The following SLC24A2 variants were observed in gnomAD, a reference collection of about 807,000 sequenced individuals.
SLC24A2 encodes the protein sodium/potassium/calcium exchanger 2.
SLC24A2 carries 36 observed loss-of-function variants against 62.0 expected under a neutral mutation model. The observed-to-expected ratio is 0.58, with a 90% CI of 0.44 to 0.77. The LOEUF (loss-of-function observed/expected upper bound fraction) is 0.77, where lower values mean the gene tolerates loss of function less well. SLC24A2 is among the 30% of genes least tolerant of loss of function. SLC24A2 has a pLI of 0.00. For missense variants in SLC24A2, 846 were observed against 817.9 expected, an observed-to-expected ratio of 1.03 and a Z score of -0.42; for synonymous variants, 358 against 294.0, an observed-to-expected ratio of 1.22 and a Z score of -2.23.
At chr9:19,649,232 C>T (rs1818731483) in intron 2 of SLC24A2, among the ~76,000 whole-genome samples, 1 of 151,858 alleles carries the variant, frequency 6.6e-6, no homozygotes. Context: ...AACTTTGTAC[C>T]CTTGAGATGA....
the SLC24A2 span, among the ~76,000 whole-genome samples, chr9:19,851,092 C>T: frequency 0.058 from 7,972 of 137,138 alleles, 381 homozygotes; most frequent in East Asian, 0.2. Context: ...GGCGTGATCT[C>T]GGCTCACCAC....
At position 19,623,544 on chromosome 9, in the gene SLC24A2, T is replaced by G. The variant is rs550750003; in HGVS notation, c.931-1245A>C. On this transcript the variant is annotated intron_variant, in intron 2 of 10. Coordinates refer to ENST00000341998, the MANE Select transcript of SLC24A2 (RefSeq NM_020344.4). ...AAAAATAGAAGGGATTCTTATAATT[T>G]TGAATTTCAAATTATTTGCTATGTG... Among the ~76,000 whole-genome samples the G allele has an allele frequency of 8.3e-4, 127 of 152,376 alleles. 5 individuals are homozygous for G. In the South Asian group the frequency reaches 0.026, roughly 31 times the overall value.
chr9:19,930,843 G>T, the SLC24A2 span, among the ~76,000 whole-genome samples: 2 of 151,976 alleles, frequency 1.3e-5, no homozygotes, highest in African/African-American at 4.8e-5. Context: ...GATCAAGCTG[G>T]GATTTATATC....
At chr9:20,012,011 A>G in the SLC24A2 span, among the ~76,000 whole-genome samples, 1 of 152,218 alleles carries the variant, frequency 6.6e-6, no homozygotes, top group Non-Finnish European at 1.5e-5. Context: ...AACTTTTAAC[A>G]GATTAGGTAT....
the SLC24A2 span, among the ~76,000 whole-genome samples, chr9:19,988,600 G>T: frequency 6.6e-6 from 1 of 152,172 alleles, no homozygotes. Flanking sequence ...AGGGAGGGAG[G>T]ATCTGGCTTG....
intron 2 of SLC24A2, among the ~76,000 whole-genome samples, chr9:19,730,518 T>G (rs1821304580): frequency 6.6e-6 from 1 of 152,150 alleles, no homozygotes; most frequent in African/African-American, 2.4e-5. Context: ...TTCACAACCT[T>G]AAGAATGCTA....
chr9:20,196,229 CA>C, the SLC24A2 span, among the ~76,000 whole-genome samples: 4 of 152,118 alleles, frequency 2.6e-5, no homozygotes, highest in Non-Finnish European at 4.4e-5. Context: ...CATCTTTTTA[CA>C]GTTTACCTTA....
Position 19,569,604 on chromosome 9 carries a change from A to G in SLC24A2, c.1347+3747T>C, listed in dbSNP as rs907899222. Among the ~76,000 whole-genome samples, 5 of 151,780 alleles carry G rather than the reference A, an allele frequency of 3.3e-5. No homozygotes were observed. The South Asian group carries it at 1.0e-3, about 32-fold the overall frequency. On this transcript the variant is annotated intron_variant, in intron 7 of 10. Transcript: ENST00000341998. Reference sequence around the variant, plus strand: ...CCTGCAACAACCTCTTTGCCCCACTATTGCCATAAACCCTCCTTCCCTCAA... The same window carrying G: ...CCTGCAACAACCTCTTTGCCCCACTGTTGCCATAAACCCTCCTTCCCTCAA...
chr9:20,294,781 A>G, the SLC24A2 span, among the ~76,000 whole-genome samples: 2 of 152,136 alleles, frequency 1.3e-5, no homozygotes, highest in African/African-American at 4.8e-5. Flanking sequence ...TCAACCTCAC[A>G]AGTGCACGTT....
Position 19,509,660 on chromosome 9 carries a change from G to A in SLC24A2, c.*6493C>T, listed in dbSNP as rs1832642714. On this transcript the variant is annotated 3_prime_UTR_variant, in exon 11 of 11. Coordinates refer to ENST00000341998, the MANE Select transcript of SLC24A2 (RefSeq NM_020344.4). ...AAGAAGTTATCTACCCTTAATTTATGCATGTAATTTCATCCTTAAAATAAT... is the reference window on the plus strand; with the variant it reads ...AAGAAGTTATCTACCCTTAATTTATACATGTAATTTCATCCTTAAAATAAT... 6.6e-6 allele frequency: 1 copy of A among 152,136 alleles called. No homozygotes were observed. The highest frequency in any genetic ancestry group is 1.5e-5 in the Non-Finnish European group (1 of 68,012). 9.4% of individuals were successfully genotyped at this position (152,136 alleles called of 1,614,324 possible). A position where few individuals can be genotyped will look rare whatever the true frequency, so the allele number is the denominator to read the frequency against.
the SLC24A2 span, among the ~76,000 whole-genome samples, chr9:20,124,793 C>T: frequency 6.7e-4 from 102 of 152,272 alleles, 2 homozygotes; most frequent in South Asian, 0.02. Context: ...TGCTTATAGT[C>T]AGTAAGTATA....
chr9:20,179,739 A>G, the SLC24A2 span, among the ~76,000 whole-genome samples: 2 of 152,242 alleles, frequency 1.3e-5, no homozygotes, highest in Admixed American at 6.5e-5. Context: ...AAAATGGAGT[A>G]GAATAGACTA....
chr9:19,726,764 A>G, intron 2 of SLC24A2, among the ~76,000 whole-genome samples: 1 of 152,198 alleles, frequency 6.6e-6, no homozygotes, highest in Non-Finnish European at 1.5e-5. Context: ...CAACTGTTCT[A>G]TAGAATATTT....
At chr9:19,856,995 A>G in the SLC24A2 span, among the ~76,000 whole-genome samples, 1 of 152,226 alleles carries the variant, frequency 6.6e-6, no homozygotes, top group Non-Finnish European at 1.5e-5. Flanking sequence ...GTTGGGGAGT[A>G]AAATTGCTGG....
the SLC24A2 span, among the ~76,000 whole-genome samples, chr9:19,981,690 A>G: frequency 6.6e-6 from 1 of 152,136 alleles, no homozygotes; most frequent in Non-Finnish European, 1.5e-5. Context: ...TTGGCTTCTC[A>G]CTAAATTTGG....
chr9:19,592,737 C>G (rs1051752926), intron 5 of SLC24A2, among the ~76,000 whole-genome samples: 2 of 152,068 alleles, frequency 1.3e-5, no homozygotes, highest in Admixed American at 1.3e-4. Context: ...GAGCCACGTT[C>G]AATTTATTGA....
At chr9:19,761,116 A>G (rs972628661) in intron 2 of SLC24A2, among the ~76,000 whole-genome samples, 1 of 152,232 alleles carries the variant, frequency 6.6e-6, no homozygotes, top group Non-Finnish European at 1.5e-5. Context: ...GTGCTGCAGT[A>G]AACATGTGTG....
intron 2 of SLC24A2, among the ~76,000 whole-genome samples, chr9:19,630,500 T>C (rs1458786487): frequency 6.6e-6 from 1 of 152,150 alleles, no homozygotes; most frequent in African/African-American, 2.4e-5. Flanking sequence ...GAATGTAATA[T>C]AGTGATTTTT....
At chr9:19,688,749 T>A (rs1025960045) in intron 2 of SLC24A2, among the ~76,000 whole-genome samples, 1 of 152,124 alleles carries the variant, frequency 6.6e-6, no homozygotes, top group Non-Finnish European at 1.5e-5. Context: ...AAGTTTCTTA[T>A]GTGGCCCCAA....
Sources: allele counts gnomAD v4.1 joint callset (sites outside exome capture counted in the v4.1 genomes callset), GRCh38; gene constraint gnomAD v4.1.1; transcripts MANE v1.5; gene names NCBI Gene and HGNC (gene_info 2026-07-23, HGNC 2026-07-21).